Variants in BCL2L1 observed in about 807,000 individuals in gnomAD.
BCL2L1 encodes bcl-2-like protein 1.
Under a neutral mutation model 18.7 loss-of-function variants are expected in BCL2L1, and 1 was observed. The observed-to-expected ratio is 0.05, with a 90% CI of 0.02 to 0.25. The LOEUF is 0.25. Ranked by LOEUF, BCL2L1 falls within the 10% of genes least tolerant of loss-of-function variation. The pLI is 1.00. For synonymous variants in BCL2L1, 103 were observed against 122.7 expected (o/e 0.84, Z 1.06); for missense variants, 207 against 304.9 (o/e 0.68, Z 2.39).
chr20:31,723,694 G>A, upstream of BCL2L1: 1 of 985,484 alleles, frequency 1.0e-6, no homozygotes, highest in Non-Finnish European at 1.2e-6. Flanking sequence ...GCTCCTATTG[G>A]GCGCAACGGC....
In BCL2L1 at chr20:31,721,801, T is replaced by C; in HGVS notation, c.418A>G (p.Ile140Val). Reference protein sequence around the residue: ...LFRDGVNWGRIVAFFSFGGAL... With the variant: ...LFRDGVNWGRVVAFFSFGGAL... ...CCGCCGAAGGAGAAAAAGGCCACAATGCGACCCCAGTTTACCCCATCCCGG... is the reference window on the plus strand; with the variant it reads ...CCGCCGAAGGAGAAAAAGGCCACAACGCGACCCCAGTTTACCCCATCCCGG... The change falls in exon 2 of 3, where the codon ATT becomes GTT. Residue 140 changes from isoleucine (I) to valine (V), a missense_variant. Physicochemically the swap from Ile to Val is conservative, Grantham distance 29 (BLOSUM62 3). Coordinates refer to ENST00000307677, the MANE Select transcript of BCL2L1 (RefSeq NM_138578.3). 6.2e-7 allele frequency: 1 copy of C among 1,614,140 alleles called. No individual in the cohort carries two copies. Among genetic ancestry groups the C allele is most frequent in the Non-Finnish European group, 8.5e-7 (1 of 1,180,022 alleles).
chr20:31,678,444 C>T (rs2060798552), intron 2 of BCL2L1, among the ~76,000 whole-genome samples: 2 of 152,136 alleles, frequency 1.3e-5, no homozygotes, highest in Non-Finnish European at 1.5e-5. Flanking sequence ...CAAAGGGCTC[C>T]GTCTAGGGCT....
At chr20:31,670,461 G>T (rs867586745) in intron 2 of BCL2L1, among the ~76,000 whole-genome samples, 20 of 152,184 alleles carry the variant, frequency 1.3e-4, no homozygotes, top group African/African-American at 4.6e-4. Context: ...TGAAGTAGAC[G>T]GCTGGCAGCC....
At chr20:31,700,566 C>T (rs559868417) in intron 2 of BCL2L1, among the ~76,000 whole-genome samples, 6 of 152,334 alleles carry the variant, frequency 3.9e-5, no homozygotes, top group African/African-American at 4.8e-5. Context: ...CCACTGCCCA[C>T]GGGTCTCTTC....
chr20:31,691,139 C>T (rs1394887142), intron 2 of BCL2L1, among the ~76,000 whole-genome samples: 2 of 95,538 alleles, frequency 2.1e-5, no homozygotes, highest in Non-Finnish European at 3.7e-5. Flanking sequence ...GGCAACAGGG[C>T]GAGACTCTGT....
intron 2 of BCL2L1, among the ~76,000 whole-genome samples, chr20:31,684,397 C>G (rs972573594): frequency 6.6e-6 from 1 of 152,132 alleles, no homozygotes; most frequent in African/African-American, 2.4e-5. Context: ...GACCAGAGAG[C>G]TGAGAGCAGA....
intron 2 of BCL2L1, among the ~76,000 whole-genome samples, chr20:31,705,939 C>T (rs2061363120): frequency 6.6e-6 from 1 of 152,026 alleles, no homozygotes; most frequent in South Asian, 2.1e-4. Context: ...TGACCCAGTC[C>T]CAGGAGACAC....
chr20:31,707,234 C>T (rs2061381159), intron 2 of BCL2L1, among the ~76,000 whole-genome samples: 1 of 152,148 alleles, frequency 6.6e-6, no homozygotes, highest in Non-Finnish European at 1.5e-5. Context: ...GCCAAGGCCC[C>T]AAGCTTCAGG....
chr20:31,672,204 C>A (rs911869713), intron 2 of BCL2L1, among the ~76,000 whole-genome samples: 5 of 151,802 alleles, frequency 3.3e-5, no homozygotes, highest in South Asian at 2.1e-4. Flanking sequence ...ATGACTCATA[C>A]CTGTAATCCC....
chr20:31,687,592 G>A (rs1486235430), intron 2 of BCL2L1, among the ~76,000 whole-genome samples: 3 of 149,522 alleles, frequency 2.0e-5, no homozygotes, highest in African/African-American at 2.5e-5. Context: ...CAGGAGAATC[G>A]CTTGAACCCG....
chr20:31,668,517 G>A (rs1231640417), intron 2 of BCL2L1, among the ~76,000 whole-genome samples: 1 of 151,596 alleles, frequency 6.6e-6, no homozygotes, highest in Non-Finnish European at 1.5e-5. Context: ...ATATTGGCCA[G>A]GCTGGTCTCA....
At chr20:31,694,834 T>C (rs935936405) in intron 2 of BCL2L1, among the ~76,000 whole-genome samples, 1 of 152,008 alleles carries the variant, frequency 6.6e-6, no homozygotes, top group East Asian at 1.9e-4. Context: ...CCCAGGAAGA[T>C]AGAGGCGGGA....
chr20:31,712,982 T>TA (rs1480120634), intron 2 of BCL2L1, among the ~76,000 whole-genome samples: 1 of 152,128 alleles, frequency 6.6e-6, no homozygotes, highest in African/African-American at 2.4e-5. Context: ...CTCCACCCTT[T>TA]ATCATCAATT....
intron 2 of BCL2L1, among the ~76,000 whole-genome samples, chr20:31,684,535 T>C (rs2060923458): frequency 1.3e-5 from 2 of 152,112 alleles, no homozygotes; most frequent in African/African-American, 4.8e-5. Flanking sequence ...CCCAGTCTCC[T>C]CCGTCAGTGA....
chr20:31,666,057 A>G lies in BCL2L1; in HGVS notation c.594T>C (p.Asn198=), dbSNP rs751021951. The change falls in exon 3 of 3, where the codon AAT becomes AAC. Residue 198 remains asparagine (N), a synonymous_variant. Transcript: ENST00000307677. The stretch of plus-strand genomic sequence containing the variant: ...GGCCCTTTCGGCTCTCGGCTGCTGC[A>G]TTGTTCCCATAGAGTTCCACAAAAG... The part of the protein sequence containing the change: ...WDTFVELYGN[N]AAAESRKGQE... 2 of 1,614,096 alleles carry G rather than the reference A, an allele frequency of 1.2e-6. No homozygotes were observed. Among genetic ancestry groups the G allele is most frequent in the African/African-American group, 1.3e-5 (1 of 75,014 alleles).
At chr20:31,692,110 C>A (rs1022500150) in intron 2 of BCL2L1, among the ~76,000 whole-genome samples, 5 of 152,224 alleles carry the variant, frequency 3.3e-5, no homozygotes, top group Non-Finnish European at 5.9e-5. Flanking sequence ...ATTCTGAGGG[C>A]CCCAACCCTG....
At chr20:31,703,734 C>T (rs1052580560) in intron 2 of BCL2L1, among the ~76,000 whole-genome samples, 2 of 151,586 alleles carry the variant, frequency 1.3e-5, no homozygotes, top group African/African-American at 4.9e-5. Context: ...TCAGGTGATT[C>T]GCCTGTCTTG....
chr20:31,698,178 G>A (rs756366741), intron 2 of BCL2L1, among the ~76,000 whole-genome samples: 1 of 151,994 alleles, frequency 6.6e-6, no homozygotes, highest in South Asian at 2.1e-4. Context: ...GTGAACCATC[G>A]TGCCCAGCCT....
intron 2 of BCL2L1, among the ~76,000 whole-genome samples, chr20:31,716,424 G>A (rs1267217513): frequency 6.6e-6 from 1 of 152,242 alleles, no homozygotes; most frequent in Middle Eastern, 3.4e-3. Context: ...TGGAATGTGA[G>A]CTCCATGAGG....
Sources: allele counts gnomAD v4.1 joint callset (sites outside exome capture counted in the v4.1 genomes callset), GRCh38; gene constraint gnomAD v4.1.1; transcripts MANE v1.5; gene names NCBI Gene and HGNC (gene_info 2026-07-23, HGNC 2026-07-21).